The following HS3ST2 variants were observed in gnomAD, a reference collection of about 807,000 sequenced individuals.
The protein encoded by HS3ST2 is heparan sulfate glucosamine 3-O-sulfotransferase 2.
HS3ST2 carries 17 observed loss-of-function variants against 26.3 expected under a neutral mutation model. The observed-to-expected ratio is 0.65, with a 90% CI of 0.44 to 0.97. The LOEUF (loss-of-function observed/expected upper bound fraction) is 0.97. HS3ST2 is among the 50% of genes least tolerant of loss of function. The pLI is 0.00. For missense variants in HS3ST2, 402 were observed against 501.2 expected (o/e 0.80, Z 1.89); for synonymous variants, 237 against 219.2 (o/e 1.08, Z -0.72).
intron 1 of HS3ST2, among the ~76,000 whole-genome samples, chr16:22,870,714 C>T (rs575710000): frequency 2.0e-5 from 3 of 152,244 alleles, no homozygotes; most frequent in South Asian, 4.1e-4. Flanking sequence ...CTCTGAGAGC[C>T]TCATGCCCAG....
chr16:22,841,140 C>A (rs965859134), intron 1 of HS3ST2, among the ~76,000 whole-genome samples: 1 of 152,244 alleles, frequency 6.6e-6, no homozygotes, highest in East Asian at 1.9e-4. Flanking sequence ...CAGCTCACTG[C>A]AACCTCTGCT....
chr16:22,913,148 AAGGGAGGGAGGG>A (rs1187278304), intron 1 of HS3ST2, among the ~76,000 whole-genome samples: 27 of 88,120 alleles, frequency 3.1e-4, no homozygotes, highest in African/African-American at 4.9e-4. Flanking sequence ...GGAAGGAAGG[AAGGGAGGGAGGG>A]AGGGAGGGAG....
chr16:22,882,318 G>C (rs185068561), intron 1 of HS3ST2, among the ~76,000 whole-genome samples: 87 of 152,258 alleles, frequency 5.7e-4, no homozygotes, highest in African/African-American at 2.0e-3. Flanking sequence ...ACTGTGATTA[G>C]ACTACTGCAC....
chr16:22,893,816 G>A (rs747611064), intron 1 of HS3ST2, among the ~76,000 whole-genome samples: 1 of 151,456 alleles, frequency 6.6e-6, no homozygotes. Flanking sequence ...TTGAAGCAGC[G>A]TCCCACTGTC....
intron 1 of HS3ST2, among the ~76,000 whole-genome samples, chr16:22,905,395 A>G (rs888734038): frequency 2.6e-5 from 4 of 151,808 alleles, no homozygotes; most frequent in Middle Eastern, 3.4e-3. Context: ...CAGGATGACA[A>G]GAGAATACTT....
chr16:22,853,321 C>T (rs370154495), intron 1 of HS3ST2, among the ~76,000 whole-genome samples: 4 of 152,172 alleles, frequency 2.6e-5, no homozygotes, highest in East Asian at 1.9e-4. Flanking sequence ...ACATTGGTGT[C>T]GGGGTTCTTT....
intron 1 of HS3ST2, among the ~76,000 whole-genome samples, chr16:22,871,543 C>T (rs568286460): frequency 6.6e-6 from 1 of 152,240 alleles, no homozygotes; most frequent in African/African-American, 2.4e-5. Context: ...CAGGATGTAA[C>T]CTCATTTTAA....
intron 1 of HS3ST2, among the ~76,000 whole-genome samples, chr16:22,871,857 G>A (rs147596313): frequency 1.3e-5 from 2 of 152,134 alleles, no homozygotes; most frequent in African/African-American, 4.8e-5. Flanking sequence ...TGACTCCGAC[G>A]CCAATATTGG....
intron 1 of HS3ST2, among the ~76,000 whole-genome samples, chr16:22,875,328 C>T (rs1320247386): frequency 6.6e-6 from 1 of 152,012 alleles, no homozygotes; most frequent in Admixed American, 6.5e-5. Flanking sequence ...CTCAGATTCA[C>T]TCACACACTT....
At chr16:22,909,210 T>C (rs1444938874) in intron 1 of HS3ST2, among the ~76,000 whole-genome samples, 1 of 152,202 alleles carries the variant, frequency 6.6e-6, no homozygotes, top group East Asian at 1.9e-4. Flanking sequence ...GCAGGAGTAG[T>C]AGTCCTCAAG....
At chr16:22,902,720 A>AT (rs200918229) in intron 1 of HS3ST2, among the ~76,000 whole-genome samples, 2 of 151,920 alleles carry the variant, frequency 1.3e-5, no homozygotes. Flanking sequence ...CAATTAAAAA[A>AT]ATTTTTTTTC....
intron 1 of HS3ST2, among the ~76,000 whole-genome samples, chr16:22,827,042 G>T (rs1292721368): frequency 6.6e-6 from 1 of 152,190 alleles, no homozygotes; most frequent in African/African-American, 2.4e-5. Flanking sequence ...GCAGTTTTAA[G>T]CAGGGTGGTT....
chr16:22,814,453 C>G lies in HS3ST2; in HGVS notation c.-158C>G. Reference sequence around the variant, plus strand: ...CGGGACCCCCTGGCACTGTGCGCACCCTGGTCAGCAGCCCCCGGAGAAGAC... The same window carrying G: ...CGGGACCCCCTGGCACTGTGCGCACGCTGGTCAGCAGCCCCCGGAGAAGAC... On this transcript the variant is annotated 5_prime_UTR_variant, in exon 1 of 2. Coordinates refer to ENST00000261374, the MANE Select transcript of HS3ST2 (RefSeq NM_006043.2). The G allele has an allele frequency of 1.5e-6, 1 of 675,582 alleles. No homozygotes were observed. The highest frequency in any genetic ancestry group is 2.3e-6 in the Non-Finnish European group (1 of 432,808). The allele number at this position is 675,582 out of a possible 1,614,324, so 41.8% of individuals were successfully genotyped here. A position where few individuals can be genotyped will look rare whatever the true frequency, so the allele number is the denominator to read the frequency against.
At chr16:22,911,435 C>T (rs1902423648) in intron 1 of HS3ST2, among the ~76,000 whole-genome samples, 2 of 152,174 alleles carry the variant, frequency 1.3e-5, no homozygotes, top group African/African-American at 2.4e-5. Context: ...TCTGTAGTTT[C>T]CTGTGGCTAC....
At chr16:22,894,375 G>T (rs1254381959) in intron 1 of HS3ST2, among the ~76,000 whole-genome samples, 2 of 152,212 alleles carry the variant, frequency 1.3e-5, no homozygotes, top group East Asian at 1.9e-4. Flanking sequence ...CTGGCTGTGG[G>T]TAGGGGGAAG....
chr16:22,880,649 C>G (rs1035937835), intron 1 of HS3ST2, among the ~76,000 whole-genome samples: 3 of 152,300 alleles, frequency 2.0e-5, no homozygotes, highest in Admixed American at 6.5e-5. Context: ...GCCCTCCCCC[C>G]ATGGAGATGG....
At chr16:22,888,578 G>A (rs1203457472) in intron 1 of HS3ST2, among the ~76,000 whole-genome samples, 1 of 151,972 alleles carries the variant, frequency 6.6e-6, no homozygotes, top group African/African-American at 2.4e-5. Flanking sequence ...ATTAGAGACA[G>A]GTTTCATGAT....
chr16:22,876,037 A>T (rs1389643705), intron 1 of HS3ST2, among the ~76,000 whole-genome samples: 1 of 152,234 alleles, frequency 6.6e-6, no homozygotes, highest in Non-Finnish European at 1.5e-5. Context: ...TTCACACAAC[A>T]AAGTTGCCTA....
In HS3ST2 at chr16:22,847,941, A is replaced by G. The variant is rs1161039429; in HGVS notation, c.485+32846A>G. Among the ~76,000 whole-genome samples, 8 of 151,270 alleles carry G rather than the reference A, an allele frequency of 5.3e-5. No individual in the cohort carries two copies. In the East Asian group the frequency reaches 9.7e-4, roughly 18 times the overall value. On this transcript the variant is annotated intron_variant, in intron 1 of 1. Coordinates refer to ENST00000261374, the MANE Select transcript of HS3ST2 (RefSeq NM_006043.2). ...AGGAAGAAAAGGAAGGAAGGAAGGA[A>G]GGAGGGAGGGAAGAAAAGAAAGAGT...
Sources: allele counts gnomAD v4.1 joint callset (sites outside exome capture counted in the v4.1 genomes callset), GRCh38; gene constraint gnomAD v4.1.1; transcripts MANE v1.5; gene names NCBI Gene and HGNC (gene_info 2026-07-23, HGNC 2026-07-21).